Variants in CYP7B1 observed in about 807,000 individuals in gnomAD.
CYP7B1 encodes cytochrome P450 family 7 subfamily B member 1, also known as cytochrome P450 7B1.
Under a neutral mutation model 42.7 loss-of-function variants are expected in CYP7B1, and 29 were observed. The observed-to-expected ratio is 0.68, with a 90% CI of 0.51 to 0.93. CYP7B1 has a LOEUF of 0.93. CYP7B1 is among the 40% of genes least tolerant of loss of function. CYP7B1 has a pLI of 0.00. For synonymous variants in CYP7B1, 235 were observed against 218.2 expected, an observed-to-expected ratio of 1.08 and a Z score of -0.68; for missense variants, 655 against 600.5, an observed-to-expected ratio of 1.09 and a Z score of -0.95.
intron 1 of CYP7B1, among the ~76,000 whole-genome samples, chr8:64,660,497 AGTT>A (rs1806185534): frequency 6.6e-6 from 1 of 152,182 alleles, no homozygotes; most frequent in African/African-American, 2.4e-5. Context: ...GACAGAGCTG[AGTT>A]GTTGTAGGCC....
intron 1 of CYP7B1, among the ~76,000 whole-genome samples, chr8:64,683,147 T>C (rs1806565101): frequency 6.6e-6 from 1 of 152,184 alleles, no homozygotes; most frequent in Non-Finnish European, 1.5e-5. Context: ...CTTCCCCCAT[T>C]AACAGTGTAT....
Position 64,727,227 on chromosome 8 carries a change from T to C in CYP7B1, c.122+71239A>G, listed in dbSNP as rs185716955. Among the ~76,000 whole-genome samples the C allele has an allele frequency of 2.6e-5, 4 of 152,324 alleles. No individual in the cohort carries two copies. In the East Asian group the frequency reaches 5.8e-4, roughly 22 times the overall value. ...AGACAATACAGTATTATAAAGGCTC[T>C]CAATTCATTTTCCTTCATTTGAGAG... is the stretch of plus-strand genomic sequence containing the variant. On this transcript the variant is annotated intron_variant, in intron 1 of 5. Transcript: ENST00000310193.
chr8:64,691,615 C>T, intron 1 of CYP7B1, among the ~76,000 whole-genome samples: 1 of 151,918 alleles, frequency 6.6e-6, no homozygotes, highest in East Asian at 1.9e-4. Context: ...CATGAAACAA[C>T]ATTTTCAATG....
At chr8:64,718,163 T>C (rs62521095) in intron 1 of CYP7B1, among the ~76,000 whole-genome samples, 10,316 of 152,118 alleles carry the variant, frequency 0.068, 460 homozygotes, top group Non-Finnish European at 0.1. Context: ...ATCACTGACT[T>C]CAGGTAGTTG....
intron 1 of CYP7B1, among the ~76,000 whole-genome samples, chr8:64,700,077 G>C (rs1477408890): frequency 1.3e-5 from 2 of 152,128 alleles, no homozygotes; most frequent in Non-Finnish European, 2.9e-5. Context: ...AGAATGTGCT[G>C]TGTGCATATA....
chr8:64,626,648 C>T (rs1368224153), intron 1 of CYP7B1, among the ~76,000 whole-genome samples: 1 of 152,038 alleles, frequency 6.6e-6, no homozygotes, highest in Admixed American at 6.5e-5. Flanking sequence ...GTAATCTTAG[C>T]AAGATTATAC....
At chr8:64,766,446 A>G (rs1338683121) in intron 1 of CYP7B1, among the ~76,000 whole-genome samples, 1 of 151,968 alleles carries the variant, frequency 6.6e-6, no homozygotes, top group Non-Finnish European at 1.5e-5. Flanking sequence ...TAGAAACCCT[A>G]ATGAACTTGG....
At chr8:64,587,242 C>T (rs532698549), downstream of CYP7B1, among the ~76,000 whole-genome samples, 5 of 152,074 alleles carry the variant, frequency 3.3e-5, no homozygotes, top group African/African-American at 9.7e-5. Flanking sequence ...GCGCAGTGCT[C>T]CCGAAGGGAT....
chr8:64,678,637 C>G (rs17293670), intron 1 of CYP7B1, among the ~76,000 whole-genome samples: 6,142 of 152,170 alleles, frequency 0.04, 181 homozygotes, highest in Middle Eastern at 0.13. Flanking sequence ...GCTACGGGTG[C>G]TCCTTGCCTG....
chr8:64,589,481 A>T (rs1805007931), downstream of CYP7B1, among the ~76,000 whole-genome samples: 1 of 152,230 alleles, frequency 6.6e-6, no homozygotes, highest in Non-Finnish European at 1.5e-5. Context: ...TTTTAACGGT[A>T]TTCCATTTGA....
intron 4 of CYP7B1, among the ~76,000 whole-genome samples, chr8:64,612,440 T>C (rs1287624435): frequency 3.9e-5 from 6 of 152,122 alleles, no homozygotes; most frequent in Non-Finnish European, 8.8e-5. Flanking sequence ...ATATAAAATA[T>C]ATAGTTGTGT....
At chr8:64,691,814 C>G (rs73243405) in intron 1 of CYP7B1, among the ~76,000 whole-genome samples, 243 of 152,262 alleles carry the variant, frequency 1.6e-3, no homozygotes, top group African/African-American at 5.5e-3. Flanking sequence ...GGGGGCAGAG[C>G]CAGAGCAAGC....
chr8:64,726,632 G>A (rs965267793), intron 1 of CYP7B1, among the ~76,000 whole-genome samples: 1 of 152,134 alleles, frequency 6.6e-6, no homozygotes. Context: ...GTTCTACCTC[G>A]CTGTGTTAAG....
intron 1 of CYP7B1, among the ~76,000 whole-genome samples, chr8:64,695,093 A>G (rs1301887671): frequency 6.6e-6 from 1 of 152,220 alleles, no homozygotes; most frequent in Non-Finnish European, 1.5e-5. Flanking sequence ...GCTGCTGACT[A>G]AAAATCAGCC....
At chr8:64,759,124 T>C (rs1212713515) in intron 1 of CYP7B1, among the ~76,000 whole-genome samples, 1 of 152,208 alleles carries the variant, frequency 6.6e-6, no homozygotes, top group Non-Finnish European at 1.5e-5. Flanking sequence ...AAATCAATGA[T>C]TGAGGAACTA....
At chr8:64,739,443 C>T (rs763725848) in intron 1 of CYP7B1, among the ~76,000 whole-genome samples, 1 of 152,184 alleles carries the variant, frequency 6.6e-6, no homozygotes, top group Non-Finnish European at 1.5e-5. Flanking sequence ...GTTGAGGCCC[C>T]TGGCACCTAC....
At chr8:64,742,733 C>T (rs1807588495) in intron 1 of CYP7B1, among the ~76,000 whole-genome samples, 1 of 152,154 alleles carries the variant, frequency 6.6e-6, no homozygotes, top group Non-Finnish European at 1.5e-5. Flanking sequence ...CAGAGGCACA[C>T]ATCCCTTGTG....
At chr8:64,650,472 ACC>A (rs752590618) in intron 1 of CYP7B1, among the ~76,000 whole-genome samples, 1 of 151,896 alleles carries the variant, frequency 6.6e-6, no homozygotes. Context: ...AAATGATGAG[ACC>A]CCGTCTCTAC....
intron 1 of CYP7B1, among the ~76,000 whole-genome samples, chr8:64,712,521 T>C (rs1032521730): frequency 1.3e-5 from 2 of 152,076 alleles, no homozygotes; most frequent in African/African-American, 4.8e-5. Context: ...GGAAAGGATT[T>C]TTTTTTTCAT....
Sources: allele counts gnomAD v4.1 joint callset (sites outside exome capture counted in the v4.1 genomes callset), GRCh38; gene constraint gnomAD v4.1.1; transcripts MANE v1.5; gene names NCBI Gene and HGNC (gene_info 2026-07-23, HGNC 2026-07-21).